The following SLC35F3 variants were observed in gnomAD, a reference collection of about 807,000 sequenced individuals.
SLC35F3 encodes putative thiamine transporter SLC35F3.
Under a neutral mutation model 49.9 loss-of-function variants are expected in SLC35F3, and 25 were observed. The ratio of observed to expected loss-of-function variants is 0.50; its 90% CI spans 0.37 to 0.70. SLC35F3 has a LOEUF of 0.70. Ranked by LOEUF, SLC35F3 falls within the 30% of genes least tolerant of loss-of-function variation. The pLI is 0.00. For synonymous variants in SLC35F3, 275 were observed against 265.4 expected (o/e 1.04, Z -0.35); for missense variants, 525 against 639.8 (o/e 0.82, Z 1.94).
rs954918042 is a variant in SLC35F3, at chr1:234,197,551, C to T, written c.284-33866C>T. Reference sequence around the variant, plus strand: ...AATGAACAAATGAGTGAATGACTAACGGGAGGATGAACCCCCTCCATGATC... The same window carrying T: ...AATGAACAAATGAGTGAATGACTAATGGGAGGATGAACCCCCTCCATGATC... On this transcript the variant is annotated intron_variant, in intron 2 of 7. Transcript: ENST00000366618. 7.2e-5 allele frequency among the ~76,000 whole-genome samples: 11 copies of T among 152,132 alleles called. 1 individual carries two copies. Among genetic ancestry groups the T allele is most frequent in the African/African-American group, 2.4e-4 (10 of 41,410 alleles).
At chr1:234,239,952 T>C (rs1020059522) in intron 3 of SLC35F3, among the ~76,000 whole-genome samples, 1 of 152,178 alleles carries the variant, frequency 6.6e-6, no homozygotes, top group African/African-American at 2.4e-5. Flanking sequence ...TCCCACAGCT[T>C]CTGTGTAGAT....
At chr1:234,196,030 A>G (rs1054013895) in intron 2 of SLC35F3, among the ~76,000 whole-genome samples, 2 of 152,104 alleles carry the variant, frequency 1.3e-5, no homozygotes, top group Non-Finnish European at 2.9e-5. Context: ...TGTTTTTATC[A>G]GCAGTGTGGA....
intron 2 of SLC35F3, among the ~76,000 whole-genome samples, chr1:234,089,763 C>T (rs1250107297): frequency 3.3e-5 from 5 of 152,084 alleles, no homozygotes; most frequent in African/African-American, 1.2e-4. Flanking sequence ...TAGGTTGGGG[C>T]TCTGTCCACC....
chr1:234,125,519 G>T (rs1665633951), intron 2 of SLC35F3, among the ~76,000 whole-genome samples: 1 of 152,052 alleles, frequency 6.6e-6, no homozygotes, highest in African/African-American at 2.4e-5. Flanking sequence ...AGTGAGGCCG[G>T]GAGGTATAGC....
chr1:234,207,950 A>C (rs1666998088), intron 2 of SLC35F3, among the ~76,000 whole-genome samples: 1 of 152,228 alleles, frequency 6.6e-6, no homozygotes, highest in African/African-American at 2.4e-5. Context: ...TCAAGGCTGC[A>C]GTGAGCTGTG....
chr1:234,224,179 C>G (rs1667251326), intron 2 of SLC35F3, among the ~76,000 whole-genome samples: 1 of 152,192 alleles, frequency 6.6e-6, no homozygotes, highest in Non-Finnish European at 1.5e-5. Context: ...ATCCTGCCAC[C>G]TCAGCCTCCC....
intron 2 of SLC35F3, among the ~76,000 whole-genome samples, chr1:234,074,493 A>G (rs1558222102): frequency 6.6e-6 from 1 of 152,228 alleles, no homozygotes; most frequent in African/African-American, 2.4e-5. Context: ...AGATATGTAT[A>G]TATGAGTTCT....
At chr1:234,102,206 GCT>G (rs1243392677) in intron 2 of SLC35F3, among the ~76,000 whole-genome samples, 3 of 152,210 alleles carry the variant, frequency 2.0e-5, no homozygotes, top group African/African-American at 7.2e-5. Flanking sequence ...GAGAAGAGAT[GCT>G]CTGTTTGATA....
intron 2 of SLC35F3, among the ~76,000 whole-genome samples, chr1:234,052,388 T>G (rs1322452727): frequency 6.6e-6 from 1 of 152,242 alleles, no homozygotes; most frequent in Non-Finnish European, 1.5e-5. Flanking sequence ...GTCCAGGAAT[T>G]TATCCATTTC....
At chr1:234,172,586 C>T (rs981890260) in intron 2 of SLC35F3, among the ~76,000 whole-genome samples, 14 of 152,158 alleles carry the variant, frequency 9.2e-5, no homozygotes, top group Non-Finnish European at 1.8e-4. Flanking sequence ...TTCTGAGAAA[C>T]GCATCTCTAG....
At chr1:234,127,060 G>A (rs1469624817) in intron 2 of SLC35F3, among the ~76,000 whole-genome samples, 1 of 152,212 alleles carries the variant, frequency 6.6e-6, no homozygotes, top group Non-Finnish European at 1.5e-5. Flanking sequence ...CAACTTTCTA[G>A]GCTTGGCTTT....
At chr1:234,153,845 G>A (rs1044813770) in intron 2 of SLC35F3, among the ~76,000 whole-genome samples, 1 of 151,944 alleles carries the variant, frequency 6.6e-6, no homozygotes, top group Non-Finnish European at 1.5e-5. Flanking sequence ...AGGCTGAGGC[G>A]GGCGGATCAC....
At chr1:233,969,164 A>G (rs570107934) in intron 2 of SLC35F3, among the ~76,000 whole-genome samples, 6 of 152,148 alleles carry the variant, frequency 3.9e-5, no homozygotes, top group African/African-American at 1.2e-4. Flanking sequence ...TGCAATTCTC[A>G]TCTTCAGTTT....
intron 2 of SLC35F3, among the ~76,000 whole-genome samples, chr1:234,130,664 T>C (rs1317852929): frequency 1.4e-5 from 2 of 141,874 alleles, no homozygotes; most frequent in Non-Finnish European, 3.1e-5. Flanking sequence ...AAGAAAGACC[T>C]CTCAGTACCA....
chr1:234,258,322 G>A (rs967764470), intron 3 of SLC35F3, among the ~76,000 whole-genome samples: 1 of 152,184 alleles, frequency 6.6e-6, no homozygotes, highest in African/African-American at 2.4e-5. Context: ...ACAGGTCCAG[G>A]TGGACTCCCT....
intron 3 of SLC35F3, among the ~76,000 whole-genome samples, chr1:234,282,355 T>C (rs917012614): frequency 6.6e-6 from 1 of 152,196 alleles, no homozygotes; most frequent in African/African-American, 2.4e-5. Flanking sequence ...TAGTACATGA[T>C]ACAGATGGGG....
intron 2 of SLC35F3, among the ~76,000 whole-genome samples, chr1:233,966,953 A>T (rs1239858799): frequency 6.6e-6 from 1 of 152,306 alleles, no homozygotes; most frequent in East Asian, 1.9e-4. Flanking sequence ...TTTCTGCATC[A>T]AAAAGGTCCT....
intron 2 of SLC35F3, among the ~76,000 whole-genome samples, chr1:234,168,700 G>A (rs747580908): frequency 1.3e-5 from 2 of 152,236 alleles, no homozygotes; most frequent in Admixed American, 6.5e-5. Flanking sequence ...ATGCCCAGCA[G>A]AACAGTGAGG....
At chr1:234,170,400 G>T (rs1666383743) in intron 2 of SLC35F3, among the ~76,000 whole-genome samples, 1 of 152,028 alleles carries the variant, frequency 6.6e-6, no homozygotes, top group Non-Finnish European at 1.5e-5. Context: ...AGGAGCTAAA[G>T]CCAAGTAGCC....
Sources: allele counts gnomAD v4.1 joint callset (sites outside exome capture counted in the v4.1 genomes callset), GRCh38; gene constraint gnomAD v4.1.1; transcripts MANE v1.5; gene names NCBI Gene and HGNC (gene_info 2026-07-23, HGNC 2026-07-21).